The following PCDH15 variants were observed in gnomAD, a reference collection of about 807,000 sequenced individuals.
The protein encoded by PCDH15 is protocadherin-15.
In PCDH15, 129 loss-of-function variants were observed where a neutral mutation model predicts 178.5. The observed-to-expected ratio is 0.72, with a 90% CI of 0.63 to 0.84. The LOEUF is 0.84. PCDH15 is among the 40% of genes least tolerant of loss of function. PCDH15 has a pLI of 0.00. For synonymous variants in PCDH15, 800 were observed against 732.0 expected (o/e 1.09, Z -1.50); for missense variants, 2,230 against 2,099.9 (o/e 1.06, Z -1.21).
chr10:55,009,116 A>G (rs1030800879), intron 2 of PCDH15, among the ~76,000 whole-genome samples: 2 of 152,184 alleles, frequency 1.3e-5, no homozygotes, highest in Non-Finnish European at 2.9e-5. Context: ...CTTCTTTTAA[A>G]TTCTGACAGA....
intron 2 of PCDH15, among the ~76,000 whole-genome samples, chr10:55,351,336 T>C (rs147491629): frequency 6.6e-6 from 1 of 152,134 alleles, no homozygotes; most frequent in East Asian, 1.9e-4. Flanking sequence ...ATAAGTGTTG[T>C]ATTATCTCAT....
At chr10:55,302,939 C>A (rs1426239096) in intron 1 of PCDH15, among the ~76,000 whole-genome samples, 1 of 152,040 alleles carries the variant, frequency 6.6e-6, no homozygotes, top group Non-Finnish European at 1.5e-5. Context: ...GATGCAAAGA[C>A]CTTGAGTGAT....
intron 2 of PCDH15, among the ~76,000 whole-genome samples, chr10:55,616,977 A>G (rs1420608180): frequency 6.6e-6 from 1 of 152,092 alleles, no homozygotes; most frequent in African/African-American, 2.4e-5. Flanking sequence ...AGACATTATT[A>G]CATTAATACA....
At chr10:54,079,048 G>T (rs2094392425) in intron 17 of PCDH15, among the ~76,000 whole-genome samples, 1 of 152,112 alleles carries the variant, frequency 6.6e-6, no homozygotes, top group Admixed American at 6.5e-5. Flanking sequence ...AGACACAATG[G>T]AATACCTGTT....
intron 2 of PCDH15, among the ~76,000 whole-genome samples, chr10:55,358,436 G>A (rs762198290): frequency 6.6e-6 from 1 of 151,932 alleles, no homozygotes; most frequent in Non-Finnish European, 1.5e-5. Context: ...TCATTCCTAT[G>A]AATGATTCTT....
intron 1 of PCDH15, among the ~76,000 whole-genome samples, chr10:55,256,992 A>G (rs1842017868): frequency 3.9e-5 from 6 of 152,098 alleles, no homozygotes; most frequent in Admixed American, 3.3e-4. Flanking sequence ...GCAGACTGAC[A>G]CCTCACACTG....
intron 2 of PCDH15, among the ~76,000 whole-genome samples, chr10:54,547,487 T>A (rs934590648): frequency 6.6e-6 from 1 of 152,178 alleles, no homozygotes; most frequent in African/African-American, 2.4e-5. Flanking sequence ...ATCTTCTGTG[T>A]GCACTTTGAT....
At chr10:54,097,314 T>C (rs918007606) in intron 15 of PCDH15, among the ~76,000 whole-genome samples, 2 of 152,224 alleles carry the variant, frequency 1.3e-5, no homozygotes, top group African/African-American at 2.4e-5. Flanking sequence ...TACTTTACTC[T>C]GTAAGGAGGA....
rs80189875 is a variant in PCDH15, at chr10:54,680,408, T to C, written c.-28-16118A>G. The stretch of plus-strand genomic sequence containing the variant: ...TAATGATCAGGCATATTTTTAAGAC[T>C]CTTTTCACCTTGTTTGAAATGTATT... On this transcript the variant is annotated intron_variant, in intron 1 of 37. Transcript: ENST00000644397. Among the ~76,000 whole-genome samples, 19 of 152,310 alleles carry C rather than the reference T, an allele frequency of 1.2e-4. No homozygotes were observed. The East Asian group carries it at 3.7e-3, about 29-fold the overall frequency.
At chr10:55,588,483 G>A (rs1429072301) in intron 2 of PCDH15, among the ~76,000 whole-genome samples, 5 of 152,058 alleles carry the variant, frequency 3.3e-5, no homozygotes, top group South Asian at 2.1e-4. Context: ...AAGAAAGCTC[G>A]CACAAATGCA....
intron 1 of PCDH15, among the ~76,000 whole-genome samples, chr10:55,299,792 GC>G (rs1843225278): frequency 6.6e-6 from 1 of 151,976 alleles, no homozygotes; most frequent in South Asian, 2.1e-4. Flanking sequence ...GAACCAAATG[GC>G]AACAGGCAAG....
intron 3 of PCDH15, among the ~76,000 whole-genome samples, chr10:54,427,033 C>T (rs1457497481): frequency 4.6e-5 from 7 of 151,708 alleles, no homozygotes; most frequent in Admixed American, 2.6e-4. Context: ...CATGTTTTAA[C>T]GTTAATAACC....
chr10:55,262,163 T>C (rs980669983), intron 1 of PCDH15, among the ~76,000 whole-genome samples: 1 of 48,162 alleles, frequency 2.1e-5, no homozygotes, highest in Admixed American at 3.2e-4. Flanking sequence ...GGAGAGGAGA[T>C]GGGGGGAGGG....
chr10:55,602,946 C>T (rs902570883), intron 2 of PCDH15, among the ~76,000 whole-genome samples: 8 of 151,860 alleles, frequency 5.3e-5, no homozygotes, highest in Non-Finnish European at 8.8e-5. Context: ...CTCTGAGCTA[C>T]GGGAGGAAAT....
At chr10:55,415,176 G>C (rs1187844496) in intron 2 of PCDH15, among the ~76,000 whole-genome samples, 1 of 151,368 alleles carries the variant, frequency 6.6e-6, no homozygotes. Context: ...TGATTATGTA[G>C]TTTTTTCATT....
chr10:53,943,396 A>G (rs1401069149), intron 23 of PCDH15, among the ~76,000 whole-genome samples: 1 of 152,048 alleles, frequency 6.6e-6, no homozygotes, highest in African/African-American at 2.4e-5. Context: ...GAATTGCTTG[A>G]ACCTGGGAGG....
At chr10:55,459,338 G>A (rs1009637302) in intron 2 of PCDH15, among the ~76,000 whole-genome samples, 1 of 151,608 alleles carries the variant, frequency 6.6e-6, no homozygotes, top group Non-Finnish European at 1.5e-5. Context: ...TGAATCCTTA[G>A]CTAAATGAAC....
chr10:54,443,200 T>C (rs778703490), intron 3 of PCDH15, among the ~76,000 whole-genome samples: 10 of 151,754 alleles, frequency 6.6e-5, no homozygotes, highest in African/African-American at 1.9e-4. Context: ...TTTGCCTATG[T>C]ACACCATCTA....
At chr10:54,121,202 A>G (rs1008261952) in intron 15 of PCDH15, among the ~76,000 whole-genome samples, 10 of 135,784 alleles carry the variant, frequency 7.4e-5, no homozygotes, top group Admixed American at 2.9e-4. Flanking sequence ...TTTTAAGTAA[A>G]CAACAATATC....
Sources: allele counts gnomAD v4.1 joint callset (sites outside exome capture counted in the v4.1 genomes callset), GRCh38; gene constraint gnomAD v4.1.1; transcripts MANE v1.5; gene names NCBI Gene and HGNC (gene_info 2026-07-23, HGNC 2026-07-21).